LRRIQ3: variants seen among roughly 807,000 people sequenced by gnomAD.
LRRIQ3 encodes leucine-rich repeat and IQ domain-containing protein 3.
A neutral mutation model predicts 59.3 loss-of-function variants in LRRIQ3; 75 were observed. The observed-to-expected ratio is 1.26, with a 90% CI of 1.05 to 1.53. The LOEUF (loss-of-function observed/expected upper bound fraction) is 1.53, where lower values mean the gene tolerates loss of function less well. Ranked by LOEUF, LRRIQ3 falls within the 40% of genes most tolerant of loss-of-function variation. The pLI is 0.00. For synonymous variants in LRRIQ3, 250 were observed against 231.3 expected (o/e 1.08, Z -0.73); for missense variants, 831 against 710.0 (o/e 1.17, Z -1.94).
At chr1:74,032,364 A>T (rs891273700) in intron 7 of LRRIQ3, among the ~76,000 whole-genome samples, 1 of 152,032 alleles carries the variant, frequency 6.6e-6, no homozygotes, top group South Asian at 2.1e-4. Flanking sequence ...TAGTTTCATT[A>T]GGTCAGAAGT....
At chr1:74,088,479 G>C (rs984695532) in intron 5 of LRRIQ3, among the ~76,000 whole-genome samples, 4 of 151,750 alleles carry the variant, frequency 2.6e-5, no homozygotes, top group African/African-American at 9.7e-5. Flanking sequence ...ACAGACATAC[G>C]TATCAATAAA....
In LRRIQ3 at chr1:74,139,094, GTA is replaced by G. The variant is rs57674909; in HGVS notation, c.707+16637_707+16638del. On this transcript the variant is annotated intron_variant, in intron 4 of 7. Transcript: ENST00000354431. ...TATACACATATATGTATGTGTGTGT[GTA>G]TATATATATACATATATGTATGTGT... 2.6e-3 allele frequency among the ~76,000 whole-genome samples: 386 copies of G among 147,654 alleles called. 3 individuals are homozygous for G. Among genetic ancestry groups the G allele is most frequent in the African/African-American group, 9.3e-3 (374 of 40,004 alleles).
chr1:74,102,034 TG>T (rs942388974), intron 5 of LRRIQ3, among the ~76,000 whole-genome samples: 74 of 150,980 alleles, frequency 4.9e-4, no homozygotes, highest in African/African-American at 1.7e-3. Context: ...GTTGTGCACA[TG>T]TACCCTAGAA....
At position 74,182,542 on chromosome 1, in the gene LRRIQ3, C is replaced by G. The variant is rs769305035; in HGVS notation, c.569G>C (p.Arg190Thr). ...AACCCTAAAGAAGCCAATTACCTTT[C>G]TCAAAGCTGGGCAGAAATTAAAGAA... is the stretch of plus-strand genomic sequence containing the variant. ...RLFFNFCPAL[R>T]KGTTYEEEIN... Residue 190 changes from arginine to threonine, a missense_variant, in exon 3 of 8, where the codon AGA becomes ACA. By Grantham distance (71) the Arg-to-Thr change is moderately conservative (BLOSUM62 -1). Coordinates refer to ENST00000354431, the MANE Select transcript of LRRIQ3 (RefSeq NM_001105659.2). 5.9e-6 allele frequency: 9 copies of G among 1,534,312 alleles called. No individual in the cohort carries two copies. Among genetic ancestry groups the G allele is most frequent in the African/African-American group, 5.5e-5 (4 of 72,398 alleles).
At chr1:74,109,930 T>C (rs983728959) in intron 4 of LRRIQ3, among the ~76,000 whole-genome samples, 82 of 151,812 alleles carry the variant, frequency 5.4e-4, no homozygotes, top group African/African-American at 1.9e-3. Flanking sequence ...TTAAATGAGG[T>C]AACAGTTATT....
chr1:74,185,815 C>T lies in LRRIQ3; in HGVS notation c.1-2131G>A, dbSNP rs1320880879. On this transcript the variant is annotated intron_variant, in intron 1 of 7. Transcript: ENST00000354431. ...AAAATTAGCCGGACGTGGTGGCGGG[C>T]GCCTGTGGTCCCAGCTACTCGGGAG... 7.2e-5 allele frequency among the ~76,000 whole-genome samples: 11 copies of T among 151,748 alleles called. No individual in the cohort carries two copies. In the South Asian group the frequency reaches 1.0e-3, roughly 14 times the overall value.
chr1:74,137,874 A>C (rs903099651), intron 4 of LRRIQ3, among the ~76,000 whole-genome samples: 8 of 150,588 alleles, frequency 5.3e-5, no homozygotes, highest in Non-Finnish European at 1.5e-5. Context: ...GTTCTCACTC[A>C]TATGTTGGAG....
At chr1:74,074,234 A>G (rs1646174577) in intron 6 of LRRIQ3, among the ~76,000 whole-genome samples, 1 of 152,134 alleles carries the variant, frequency 6.6e-6, no homozygotes. Context: ...TATTTAGAAA[A>G]TGTTGAATAA....
chr1:74,067,166 G>A (rs1654890003), intron 6 of LRRIQ3, among the ~76,000 whole-genome samples: 1 of 152,102 alleles, frequency 6.6e-6, no homozygotes, highest in Admixed American at 6.6e-5. Flanking sequence ...TACGTGTGCA[G>A]TATCTCTCAA....
chr1:74,195,607 C>A (rs1166572755), intron 1 of LRRIQ3, among the ~76,000 whole-genome samples: 1 of 152,140 alleles, frequency 6.6e-6, no homozygotes, highest in African/African-American at 2.4e-5. Context: ...ACTCTCTACT[C>A]TCCTCCTGGA....
rs530389429 is a variant in LRRIQ3 at position 74,026,572 on chromosome 1, G to GT, written c.*240dup. ...ACATTGTCTGCAATACATTAAATCA[G>GT]TTTAATTGTTCCTTAGGCATCTGAT... On this transcript the variant is annotated 3_prime_UTR_variant, in exon 8 of 8. Transcript: ENST00000354431. The GT allele has an allele frequency of 3.1e-3, 1,053 of 338,820 alleles. 1 individual carries two copies. Among genetic ancestry groups the GT allele is most frequent in the Admixed American group, 7.9e-3 (163 of 20,730 alleles). The allele number at this position is 338,820 out of a possible 1,614,324, so 21.0% of individuals were successfully genotyped here.
intron 6 of LRRIQ3, among the ~76,000 whole-genome samples, chr1:74,044,291 T>C (rs1654134299): frequency 6.6e-6 from 1 of 152,108 alleles, no homozygotes; most frequent in Non-Finnish European, 1.5e-5. Flanking sequence ...TGTTGGATAT[T>C]GGGCCTAGTG....
chr1:74,088,189 A>T (rs1646350744), intron 5 of LRRIQ3, among the ~76,000 whole-genome samples: 1 of 152,126 alleles, frequency 6.6e-6, no homozygotes, highest in African/African-American at 2.4e-5. Flanking sequence ...AACTCTCCAC[A>T]TAGATTTCTA....
chr1:74,175,770 T>C (rs1217378093), intron 3 of LRRIQ3, among the ~76,000 whole-genome samples: 2 of 152,160 alleles, frequency 1.3e-5, no homozygotes, highest in Admixed American at 6.5e-5. Context: ...CCTCTCTATA[T>C]ATTGTTTTTG....
chr1:74,166,583 G>A (rs1649003941), intron 3 of LRRIQ3, among the ~76,000 whole-genome samples: 1 of 151,294 alleles, frequency 6.6e-6, no homozygotes, highest in Non-Finnish European at 1.5e-5. Context: ...GCTGGCTTTG[G>A]GTTAATTTTG....
Position 74,182,652 on chromosome 1 carries a change from C to T in LRRIQ3, c.459G>A (p.Ala153=), listed in dbSNP as rs779598250. Residue 153 remains alanine, a synonymous_variant, in exon 3 of 8, where the codon GCG becomes GCA. Coordinates refer to ENST00000354431, the MANE Select transcript of LRRIQ3 (RefSeq NM_001105659.2). The part of the protein sequence containing the change: ...VLVNSIWPLK[A]LDHHVISDEE... ...CATCAGAAATCACATGATGATCCAG[C>T]GCTTTGAGAGGCCATATACTGTTAA... is the stretch of plus-strand genomic sequence containing the variant. 41 of 1,611,246 alleles carry T rather than the reference C, an allele frequency of 2.5e-5. No homozygotes were observed. The highest frequency in any genetic ancestry group is 3.0e-5 in the Non-Finnish European group (35 of 1,178,286).
intron 4 of LRRIQ3, among the ~76,000 whole-genome samples, chr1:74,125,928 T>C (rs1449553995): frequency 6.6e-6 from 1 of 151,748 alleles, no homozygotes; most frequent in Non-Finnish European, 1.5e-5. Context: ...ATAGGATTGG[T>C]GTTAGTTCTT....
At chr1:74,158,199 C>T (rs563759706) in intron 3 of LRRIQ3, among the ~76,000 whole-genome samples, 1 of 152,230 alleles carries the variant, frequency 6.6e-6, no homozygotes, top group Admixed American at 6.5e-5. Flanking sequence ...ATTCTCCTAA[C>T]TTATATCTTC....
At chr1:74,088,070 G>A (rs1646348829) in intron 5 of LRRIQ3, among the ~76,000 whole-genome samples, 1 of 151,834 alleles carries the variant, frequency 6.6e-6, no homozygotes, top group Non-Finnish European at 1.5e-5. Flanking sequence ...TCCAGCCTCG[G>A]CAACAGAGTG....
Sources: allele counts gnomAD v4.1 joint callset (sites outside exome capture counted in the v4.1 genomes callset), GRCh38; gene constraint gnomAD v4.1.1; transcripts MANE v1.5; gene names NCBI Gene and HGNC (gene_info 2026-07-23, HGNC 2026-07-21).